The following LAMA2 variants were observed in gnomAD, a reference collection of about 807,000 sequenced individuals.
LAMA2 encodes the protein laminin subunit alpha-2.
Under a neutral mutation model 364.8 loss-of-function variants are expected in LAMA2, and 269 were observed. The observed-to-expected ratio is 0.74, with a 90% CI of 0.67 to 0.82. The LOEUF is 0.82. Among genes scored for constraint, LAMA2 ranks in the 40% least tolerant of loss-of-function variants. The pLI is 0.00. For synonymous variants in LAMA2, 1,379 were observed against 1,370.6 expected (o/e 1.01, Z -0.14); for missense variants, 3,807 against 3,873.2 (o/e 0.98, Z 0.45).
At chr6:129,314,607 C>T in intron 23 of LAMA2, 48 bp from the exon 24 acceptor site, 2 of 1,592,178 alleles carry the variant, frequency 1.3e-6, no homozygotes. Context: ...GTGATTTCTC[C>T]CCTAACTTTG....
intron 40 of LAMA2, among the ~76,000 whole-genome samples, chr6:129,423,155 A>G (rs1414162754): frequency 6.6e-6 from 1 of 152,028 alleles, no homozygotes; most frequent in Non-Finnish European, 1.5e-5. Flanking sequence ...AAAACTGCCT[A>G]CTAAGAGTAG....
At chr6:129,413,325 C>T (rs1474569837) in intron 40 of LAMA2, among the ~76,000 whole-genome samples, 2 of 151,862 alleles carry the variant, frequency 1.3e-5, no homozygotes, top group African/African-American at 4.8e-5. Flanking sequence ...AGAATGAGAA[C>T]ATTTTCATAT....
At chr6:129,124,071 T>C (rs1475007557) in intron 4 of LAMA2, among the ~76,000 whole-genome samples, 1 of 152,204 alleles carries the variant, frequency 6.6e-6, no homozygotes, top group African/African-American at 2.4e-5. Context: ...CATGTTTTTT[T>C]TAAAGCAGTA....
rs76535027 is a variant in LAMA2 at position 128,976,255 on chromosome 6, A to G, written c.113-73663A>G. 3.1e-3 allele frequency among the ~76,000 whole-genome samples: 479 copies of G among 152,342 alleles called. 20 individuals carry two copies. In the East Asian group the frequency reaches 0.073, roughly 23 times the overall value. ...GATTGCTGATTTGGTTAAAGGAAGC[A>G]GAGAAAGATACATCTGGAGAGGAAA... On this transcript the variant is annotated intron_variant, in intron 1 of 64. Transcript: ENST00000421865.
chr6:129,439,683 T>C (rs2114762901), intron 42 of LAMA2, among the ~76,000 whole-genome samples: 1 of 152,074 alleles, frequency 6.6e-6, no homozygotes, highest in Non-Finnish European at 1.5e-5. Context: ...ACTTTTACTA[T>C]TTTTATATTG....
intron 1 of LAMA2, among the ~76,000 whole-genome samples, chr6:129,029,744 A>G (rs1298364539): frequency 1.3e-5 from 2 of 152,080 alleles, no homozygotes; most frequent in Non-Finnish European, 2.9e-5. Flanking sequence ...GAGGGAAACT[A>G]TGGAAATGAT....
chr6:129,217,342 A>G (rs1474753275), intron 12 of LAMA2, among the ~76,000 whole-genome samples: 2 of 152,140 alleles, frequency 1.3e-5, no homozygotes, highest in East Asian at 1.9e-4. Context: ...TTAGATGTGT[A>G]ATTATATTAA....
At chr6:129,479,645 A>G (rs953379755) in intron 54 of LAMA2, 3 of 152,242 alleles carry the variant, frequency 2.0e-5, no homozygotes, top group Non-Finnish European at 4.4e-5. Context: ...TTATCCTATC[A>G]TAATACAATT....
At chr6:129,027,483 G>A (rs1454665573) in intron 1 of LAMA2, among the ~76,000 whole-genome samples, 1 of 151,918 alleles carries the variant, frequency 6.6e-6, no homozygotes, top group Non-Finnish European at 1.5e-5. Flanking sequence ...GCACCTATTG[G>A]TGTGCTAGAC....
intron 1 of LAMA2, among the ~76,000 whole-genome samples, chr6:128,891,417 C>T (rs754737537): frequency 2.2e-4 from 34 of 151,988 alleles, no homozygotes; most frequent in Non-Finnish European, 4.3e-4. Context: ...AATTTCCTGG[C>T]TTTATTGCCT....
chr6:129,441,298 G>C (rs895240602), intron 43 of LAMA2, among the ~76,000 whole-genome samples: 2 of 152,160 alleles, frequency 1.3e-5, no homozygotes, highest in African/African-American at 4.8e-5. Context: ...ATCCGTGTGT[G>C]TAATTAAAAA....
chr6:129,194,752 A>G (rs1415348491), intron 12 of LAMA2, among the ~76,000 whole-genome samples: 1 of 152,186 alleles, frequency 6.6e-6, no homozygotes, highest in Non-Finnish European at 1.5e-5. Context: ...AACCATGTAA[A>G]TTTTTGATAC....
chr6:129,403,984 T>C, intron 40 of LAMA2, 25 bp downstream of exon 40: 1 of 1,613,202 alleles, frequency 6.2e-7, no homozygotes, highest in Non-Finnish European at 8.5e-7. Flanking sequence ...GCACATGTGC[T>C]GGGAATGGAA....
intron 12 of LAMA2, among the ~76,000 whole-genome samples, chr6:129,223,751 T>A (rs1784044696): frequency 6.6e-6 from 1 of 152,212 alleles, no homozygotes; most frequent in Non-Finnish European, 1.5e-5. Flanking sequence ...TGTAGCCTTG[T>A]AGTATAGTTT....
chr6:129,501,888 G>A (rs908749929), intron 58 of LAMA2, among the ~76,000 whole-genome samples: 1 of 152,186 alleles, frequency 6.6e-6, no homozygotes, highest in Non-Finnish European at 1.5e-5. Flanking sequence ...AGCCAGGACT[G>A]CTGTATGCTT....
At chr6:129,244,429 C>A (rs1002965806) in intron 12 of LAMA2, among the ~76,000 whole-genome samples, 1 of 152,010 alleles carries the variant, frequency 6.6e-6, no homozygotes, top group Non-Finnish European at 1.5e-5. Flanking sequence ...AATCGCTTGC[C>A]CTGTTTGTGA....
In LAMA2 at chr6:129,256,763, C is replaced by CAAATATAT. The variant is rs749883373; in HGVS notation, c.2097-3947_2097-3946insAATATATA. Among the ~76,000 whole-genome samples the CAAATATAT allele has an allele frequency of 8.1e-3, 711 of 87,948 alleles. 33 individuals are homozygous for CAAATATAT. Among genetic ancestry groups the CAAATATAT allele is most frequent in the African/African-American group, 0.022 (526 of 24,130 alleles). The allele number at this position is 87,948 out of a possible 152,430, so 57.7% of individuals were successfully genotyped here. On this transcript the variant is annotated intron_variant, in intron 14 of 64. Transcript: ENST00000421865. ...TATATATAAAAAACAAATTATATAG[C>CAAATATAT]ATATATATATATATATATATATATA...
chr6:129,091,198 T>C (rs747755670), intron 3 of LAMA2, among the ~76,000 whole-genome samples: 2 of 152,224 alleles, frequency 1.3e-5, no homozygotes, highest in Non-Finnish European at 2.9e-5. Flanking sequence ...GATTTGCTTT[T>C]TTGCAGAGTG....
intron 30 of LAMA2, among the ~76,000 whole-genome samples, chr6:129,343,259 G>A (rs1468686454): frequency 6.6e-6 from 1 of 152,086 alleles, no homozygotes; most frequent in African/African-American, 2.4e-5. Flanking sequence ...TTAGAATTCT[G>A]GACACTTTAT....
Sources: allele counts gnomAD v4.1 joint callset (sites outside exome capture counted in the v4.1 genomes callset), GRCh38; gene constraint gnomAD v4.1.1; transcripts MANE v1.5; gene names NCBI Gene and HGNC (gene_info 2026-07-23, HGNC 2026-07-21).